Variants in DPP10 observed in about 807,000 individuals in gnomAD.
DPP10 encodes the protein dipeptidyl peptidase like 10.
A neutral mutation model predicts 120.9 loss-of-function variants in DPP10; 33 were observed. That is an observed-to-expected ratio of 0.27 (90% confidence interval 0.21 to 0.37). DPP10 has a LOEUF of 0.37. Among genes scored for constraint, DPP10 ranks in the 10% least tolerant of loss-of-function variants. The pLI, the probability that DPP10 is intolerant of heterozygous loss-of-function variation, is 1.00. For missense variants in DPP10, 816 were observed against 942.8 expected (o/e 0.87, Z 1.76); for synonymous variants, 337 against 326.1 (o/e 1.03, Z -0.36).
intron 1 of DPP10, among the ~76,000 whole-genome samples, chr2:114,772,282 C>A (rs562150618): frequency 5.8e-4 from 88 of 152,030 alleles, no homozygotes; most frequent in African/African-American, 8.2e-4. Context: ...CTCAGCCCAC[C>A]GAGTAGCTGG....
At position 114,802,236 on chromosome 2, in the gene DPP10, T is replaced by G. The variant is rs1028861767; in HGVS notation, c.60+359398T>G. Among the ~76,000 whole-genome samples the G allele has an allele frequency of 2.0e-5, 3 of 152,318 alleles. No individual in the cohort carries two copies. The South Asian group carries it at 6.2e-4, about 32-fold the overall frequency. ...AGATTCAGGAAGGGTGTTTCACAGT[T>G]GTGCATAATTTATAATGAGAGGGCA... On this transcript the variant is annotated intron_variant, in intron 1 of 25. Coordinates refer to ENST00000410059, the MANE Select transcript of DPP10 (RefSeq NM_020868.6).
At chr2:115,347,091 A>G (rs1376789563) in intron 3 of DPP10, among the ~76,000 whole-genome samples, 5 of 152,178 alleles carry the variant, frequency 3.3e-5, no homozygotes, top group Non-Finnish European at 7.4e-5. Context: ...AAGCATAACA[A>G]ATTTATTTAA....
At position 115,468,332 on chromosome 2, in the gene DPP10, T is replaced by G. The variant is rs199655670; in HGVS notation, c.272-31178T>G. The G allele has an allele frequency of 7.2e-5, 37 of 514,358 alleles. No individual in the cohort carries two copies. The East Asian group carries it at 1.7e-3, about 23-fold the overall frequency. The allele number at this position is 514,358 out of a possible 1,614,324, so 31.9% of individuals were successfully genotyped here. On this transcript the variant is annotated intron_variant, in intron 3 of 25. Coordinates refer to ENST00000410059, the MANE Select transcript of DPP10 (RefSeq NM_020868.6). ...CTCTGCCAAAGTTTGCTGCTGCCAC[T>G]GGAGCAACTCCAATTGCTGGCTGCT...
chr2:115,013,210 C>T (rs752488255), intron 1 of DPP10, among the ~76,000 whole-genome samples: 7 of 151,934 alleles, frequency 4.6e-5, no homozygotes, highest in Non-Finnish European at 1.0e-4. Flanking sequence ...AATCTCTCAC[C>T]GTTTGTTTTT....
intron 1 of DPP10, among the ~76,000 whole-genome samples, chr2:114,982,764 C>G (rs562554470): frequency 6.6e-6 from 1 of 151,292 alleles, no homozygotes; most frequent in Non-Finnish European, 1.5e-5. Context: ...CCATGCCTGG[C>G]TAATTTTTGC....
intron 1 of DPP10, among the ~76,000 whole-genome samples, chr2:115,167,929 A>G (rs1573868347): frequency 6.6e-6 from 1 of 152,222 alleles, no homozygotes; most frequent in Admixed American, 6.5e-5. Context: ...GCTGCTGAAT[A>G]TGTTGCATAT....
intron 5 of DPP10, among the ~76,000 whole-genome samples, chr2:115,536,725 A>C (rs1175328207): frequency 6.6e-6 from 1 of 152,048 alleles, no homozygotes; most frequent in Non-Finnish European, 1.5e-5. Context: ...ATTTATGGAT[A>C]GGAGAATCTG....
intron 1 of DPP10, among the ~76,000 whole-genome samples, chr2:115,253,075 G>C (rs1296166275): frequency 6.6e-6 from 1 of 152,186 alleles, no homozygotes; most frequent in Non-Finnish European, 1.5e-5. Flanking sequence ...GCCAACATCT[G>C]GTTGGCTTCT....
intron 3 of DPP10, among the ~76,000 whole-genome samples, chr2:115,479,154 A>G (rs1016814817): frequency 6.6e-5 from 10 of 152,172 alleles, no homozygotes; most frequent in African/African-American, 2.4e-4. Context: ...GAAGCAACCT[A>G]AGTGTCCATT....
chr2:115,324,680 T>C (rs2062250117), intron 2 of DPP10, among the ~76,000 whole-genome samples: 1 of 152,216 alleles, frequency 6.6e-6, no homozygotes. Flanking sequence ...CTATCATTTG[T>C]ATGTTCAATA....
chr2:114,910,360 GCAATAAGATGGTATTGACAGC>G (rs953862153), intron 1 of DPP10, among the ~76,000 whole-genome samples: 1 of 151,892 alleles, frequency 6.6e-6, no homozygotes, highest in African/African-American at 2.4e-5. Flanking sequence ...CTTGGAGGAA[GCAATAAGATGGTATTGACAGC>G]CAGATTTAGA....
chr2:114,712,174 G>A (rs752774306), intron 1 of DPP10, among the ~76,000 whole-genome samples: 2 of 152,026 alleles, frequency 1.3e-5, no homozygotes, highest in Non-Finnish European at 2.9e-5. Context: ...ACAAAAATCA[G>A]CTGGGCGTGA....
chr2:114,625,161 T>C (rs1694415602), intron 1 of DPP10, among the ~76,000 whole-genome samples: 1 of 152,018 alleles, frequency 6.6e-6, no homozygotes, highest in African/African-American at 2.4e-5. Context: ...TCTTGATCTT[T>C]TCATCTCTTG....
intron 1 of DPP10, among the ~76,000 whole-genome samples, chr2:114,905,528 G>C (rs986999516): frequency 1.3e-4 from 19 of 151,836 alleles, no homozygotes; most frequent in Admixed American, 1.2e-3. Context: ...TTTGTTATCT[G>C]GGTAAACTTG....
At chr2:115,643,628 A>T (rs1336921739) in intron 5 of DPP10, among the ~76,000 whole-genome samples, 4 of 152,224 alleles carry the variant, frequency 2.6e-5, no homozygotes, top group Non-Finnish European at 5.9e-5. Context: ...TTTTTAAATT[A>T]CAAGAATTAC....
intron 4 of DPP10, among the ~76,000 whole-genome samples, chr2:115,524,740 C>G (rs2078023832): frequency 6.6e-6 from 1 of 152,114 alleles, no homozygotes; most frequent in Admixed American, 6.6e-5. Flanking sequence ...AAAGAGTCCT[C>G]TGATGTTGCA....
chr2:115,530,033 A>G (rs2078366401), intron 5 of DPP10, among the ~76,000 whole-genome samples: 1 of 152,130 alleles, frequency 6.6e-6, no homozygotes, highest in African/African-American at 2.4e-5. Context: ...ATAATTATGG[A>G]CCAGTCTTCA....
intron 1 of DPP10, among the ~76,000 whole-genome samples, chr2:114,489,426 A>G (rs1388782036): frequency 6.6e-6 from 1 of 152,214 alleles, no homozygotes; most frequent in Non-Finnish European, 1.5e-5. Context: ...CCAGGGGCCC[A>G]GCATCCAATT....
chr2:115,782,505 TC>T, intron 17 of DPP10, 106 bp downstream of exon 17: 1 of 1,110,478 alleles, frequency 9.0e-7, no homozygotes, highest in Non-Finnish European at 1.3e-6. Flanking sequence ...CTTCAAAAAA[TC>T]CCCACCATGA....
Sources: allele counts gnomAD v4.1 joint callset (sites outside exome capture counted in the v4.1 genomes callset), GRCh38; gene constraint gnomAD v4.1.1; transcripts MANE v1.5; gene names NCBI Gene and HGNC (gene_info 2026-07-23, HGNC 2026-07-21).